Variants in PCSK5 observed in about 807,000 individuals in gnomAD.
PCSK5 encodes prohormone convertase 5.
Under a neutral mutation model 233.2 loss-of-function variants are expected in PCSK5, and 129 were observed. The observed-to-expected ratio is 0.55, with a 90% CI of 0.48 to 0.64. The LOEUF (loss-of-function observed/expected upper bound fraction) is 0.64. Ranked by LOEUF, PCSK5 falls within the 30% of genes least tolerant of loss-of-function variation. The pLI is 0.00. For synonymous variants in PCSK5, 825 were observed against 879.2 expected, an observed-to-expected ratio of 0.94 and a Z score of 1.09; for missense variants, 2,076 against 2,430.1, an observed-to-expected ratio of 0.85 and a Z score of 3.06.
At chr9:76,125,534 G>A (rs1832813480) in intron 9 of PCSK5, among the ~76,000 whole-genome samples, 1 of 152,200 alleles carries the variant, frequency 6.6e-6, no homozygotes, top group Admixed American at 6.5e-5. Context: ...AACAGTATTT[G>A]TCTCACAGGA....
At chr9:76,048,685 G>A (rs546974557) in intron 5 of PCSK5, among the ~76,000 whole-genome samples, 3 of 152,070 alleles carry the variant, frequency 2.0e-5, no homozygotes, top group Non-Finnish European at 4.4e-5. Context: ...TGTAGTACAC[G>A]ACTATTAGAG....
At chr9:76,154,281 G>A (rs925393502) in intron 10 of PCSK5, among the ~76,000 whole-genome samples, 1 of 152,172 alleles carries the variant, frequency 6.6e-6, no homozygotes, top group Non-Finnish European at 1.5e-5. Context: ...TGTCTCTGGA[G>A]GGTAGAAATT....
intron 2 of PCSK5, among the ~76,000 whole-genome samples, chr9:75,969,672 G>A (rs1227276675): frequency 1.3e-5 from 2 of 152,060 alleles, no homozygotes; most frequent in East Asian, 1.9e-4. Context: ...CTTGGTTCAC[G>A]AACGCGTTAC....
chr9:76,264,584 CT>C (rs1234148936), intron 24 of PCSK5, among the ~76,000 whole-genome samples: 1 of 151,890 alleles, frequency 6.6e-6, no homozygotes, highest in Non-Finnish European at 1.5e-5. Flanking sequence ...AATAAAAAAC[CT>C]TAAAAAATGA....
At chr9:75,992,148 A>C (rs1826794124) in intron 3 of PCSK5, among the ~76,000 whole-genome samples, 2 of 152,152 alleles carry the variant, frequency 1.3e-5, no homozygotes, top group African/African-American at 4.8e-5. Context: ...CAAACTAAGG[A>C]ATGGAGTATC....
chr9:76,154,560 C>T (rs1159021726), intron 10 of PCSK5, among the ~76,000 whole-genome samples: 2 of 152,146 alleles, frequency 1.3e-5, no homozygotes, highest in East Asian at 3.9e-4. Context: ...CCCCACCTCC[C>T]TTCTCCACGC....
rs962057167 is a variant in PCSK5, at chr9:76,294,417, G to C, written c.3186-858G>C. 3.9e-4 allele frequency among the ~76,000 whole-genome samples: 60 copies of C among 152,074 alleles called. 1 individual carries two copies. ...TTATAAATAAAAGCTAAGCTACTTC[G>C]CTACTATTGTTAATAATCTGGTTAC... On this transcript the variant is annotated intron_variant, in intron 25 of 37. Coordinates refer to ENST00000674117, the MANE Select transcript of PCSK5 (RefSeq NM_001372043.1).
intron 2 of PCSK5, among the ~76,000 whole-genome samples, chr9:75,940,341 T>C (rs1824244892): frequency 6.6e-6 from 1 of 152,220 alleles, no homozygotes; most frequent in Admixed American, 6.5e-5. Context: ...AATTGTCTCC[T>C]TATAAGTGTG....
intron 27 of PCSK5, among the ~76,000 whole-genome samples, chr9:76,300,357 CA>C (rs927502840): frequency 1.3e-5 from 2 of 152,046 alleles, no homozygotes; most frequent in Admixed American, 6.6e-5. Context: ...ACACAGAGTG[CA>C]AAAAAACACA....
chr9:75,937,188 T>C (rs1387729410), intron 2 of PCSK5, among the ~76,000 whole-genome samples: 3 of 151,552 alleles, frequency 2.0e-5, no homozygotes. Flanking sequence ...TTCTTTTTTT[T>C]TTTTTTTTTT....
chr9:75,931,043 A>T (rs1386606817), intron 1 of PCSK5, among the ~76,000 whole-genome samples: 1 of 152,102 alleles, frequency 6.6e-6, no homozygotes, highest in Non-Finnish European at 1.5e-5. Context: ...TGTAGGTCAG[A>T]GCAGTTTCCA....
intron 3 of PCSK5, among the ~76,000 whole-genome samples, chr9:76,018,548 C>CA (rs1207053167): frequency 1.3e-5 from 2 of 152,164 alleles, no homozygotes; most frequent in Non-Finnish European, 2.9e-5. Flanking sequence ...AGGCAATGCC[C>CA]AGTGATCTGA....
At chr9:76,327,887 G>C (rs975089768) in intron 32 of PCSK5, 122 bp from the exon 33 acceptor site, 4 of 730,884 alleles carry the variant, frequency 5.5e-6, no homozygotes, top group African/African-American at 5.1e-5. Context: ...TTGGCCCAGA[G>C]CTCTGGAAAT....
chr9:76,171,072 G>A (rs940845946), intron 13 of PCSK5, among the ~76,000 whole-genome samples: 3 of 152,216 alleles, frequency 2.0e-5, no homozygotes, highest in Non-Finnish European at 2.9e-5. Flanking sequence ...AATGCAGCCT[G>A]AATATAGTGG....
intron 9 of PCSK5, among the ~76,000 whole-genome samples, chr9:76,128,214 C>A (rs1822598497): frequency 6.6e-6 from 1 of 152,088 alleles, no homozygotes; most frequent in African/African-American, 2.4e-5. Flanking sequence ...CTCACACTGT[C>A]ACATTTTGCC....
At chr9:75,977,277 G>A (rs555027742) in intron 2 of PCSK5, among the ~76,000 whole-genome samples, 18 of 151,942 alleles carry the variant, frequency 1.2e-4, no homozygotes, top group Admixed American at 7.2e-4. Context: ...GCTTTGTTAC[G>A]TAGGTAAACG....
chr9:76,301,480 C>CA, intron 27 of PCSK5, among the ~76,000 whole-genome samples: 1 of 152,092 alleles, frequency 6.6e-6, no homozygotes, highest in South Asian at 2.1e-4. Flanking sequence ...GGAACAATCT[C>CA]AAAAATATAA....
In PCSK5 at chr9:76,107,314, A is replaced by G. The variant is rs1233450167; in HGVS notation, c.1171A>G (p.Met391Val). 1.2e-6 allele frequency: 2 copies of G among 1,613,542 alleles called. No homozygotes were observed. The highest frequency in any genetic ancestry group is 1.7e-6 in the Non-Finnish European group (2 of 1,179,710). The change falls in exon 9 of 38, where the codon ATG (methionine) becomes GTG (valine). Residue 391 changes from methionine (M) to valine (V), a missense_variant. Physicochemically the swap from Met to Val is conservative, Grantham distance 21 (BLOSUM62 1). Transcript: ENST00000674117. Reference sequence around the variant, plus strand: ...CACTGGGACGTCAGCCTCAGCCCCCATGGCTGCAGGCATCATTGCGCTGGC... The same window carrying G: ...CACTGGGACGTCAGCCTCAGCCCCCGTGGCTGCAGGCATCATTGCGCTGGC... ...NHTGTSASAP[M>V]AAGIIALALE...
chr9:75,895,511 G>A (rs929251831), intron 1 of PCSK5, among the ~76,000 whole-genome samples: 1 of 152,212 alleles, frequency 6.6e-6, no homozygotes, highest in East Asian at 1.9e-4. Flanking sequence ...CAGGGAAAAT[G>A]ATTTTCCCTT....
Sources: allele counts gnomAD v4.1 joint callset (sites outside exome capture counted in the v4.1 genomes callset), GRCh38; gene constraint gnomAD v4.1.1; transcripts MANE v1.5; gene names NCBI Gene and HGNC (gene_info 2026-07-23, HGNC 2026-07-21).